The following DOCK8 variants were observed in gnomAD, a reference collection of about 807,000 sequenced individuals.
DOCK8 encodes dedicator of cytokinesis 8, also known as dedicator of cytokinesis protein 8.
Under a neutral mutation model 245.6 loss-of-function variants are expected in DOCK8, and 141 were observed. The observed-to-expected ratio is 0.57, with a 90% CI of 0.50 to 0.66. The LOEUF (loss-of-function observed/expected upper bound fraction) is 0.66, where lower values mean the gene tolerates loss of function less well. Among genes scored for constraint, DOCK8 ranks in the 30% least tolerant of loss-of-function variants. The pLI, the probability that DOCK8 is intolerant of heterozygous loss-of-function variation, is 0.00. For missense variants in DOCK8, 2,965 were observed against 2,603.4 expected (o/e 1.14, Z -3.02); for synonymous variants, 1,168 against 970.2 (o/e 1.20, Z -3.79).
intron 26 of DOCK8, among the ~76,000 whole-genome samples, chr9:400,100 C>CCTCCTT: frequency 8.7e-6 from 1 of 114,616 alleles, no homozygotes; most frequent in African/African-American, 4.4e-5. Context: ...ACCATCACCA[C>CCTCCTT]CACCACCTCC....
chr9:313,874 G>A (rs116755272), intron 6 of DOCK8, among the ~76,000 whole-genome samples: 1,835 of 152,184 alleles, frequency 0.012, 33 homozygotes, highest in African/African-American at 0.042. Flanking sequence ...ATCTTTATAC[G>A]ATGTATACAT....
At chr9:314,782 T>C (rs1355999194) in intron 6 of DOCK8, among the ~76,000 whole-genome samples, 2 of 150,548 alleles carry the variant, frequency 1.3e-5, no homozygotes, top group Non-Finnish European at 2.9e-5. Context: ...TTACAAATGC[T>C]GGTTTTTTCG....
intron 45 of DOCK8, 67 bp from the exon 46 acceptor site, chr9:451,944 T>TAC: frequency 2.1e-5 from 5 of 233,404 alleles, no homozygotes; most frequent in Non-Finnish European, 3.5e-5. Flanking sequence ...TATATATATA[T>TAC]GTGTGTGTGT....
rs547855527 is a variant in DOCK8 at position 361,019 on chromosome 9, G to T, written c.1680-6999G>T. Among the ~76,000 whole-genome samples, 87 of 152,216 alleles carry T rather than the reference G, an allele frequency of 5.7e-4. No homozygotes were observed. The South Asian group carries it at 0.018, about 31-fold the overall frequency. ...TACAAAAAGTAAAACTAAAAAATTA[G>T]CCAGGCATTGTGGTGCCTTGAATCT... On this transcript the variant is annotated intron_variant, in intron 14 of 47. Coordinates refer to ENST00000432829, the MANE Select transcript of DOCK8 (RefSeq NM_203447.4).
intron 30 of DOCK8, among the ~76,000 whole-genome samples, chr9:418,703 A>T (rs1323963157): frequency 6.6e-6 from 1 of 152,238 alleles, no homozygotes; most frequent in Non-Finnish European, 1.5e-5. Flanking sequence ...GGCAACAGCA[A>T]GAGATGTGCA....
At chr9:258,542 C>G (rs1378828239) in intron 1 of DOCK8, among the ~76,000 whole-genome samples, 1 of 150,348 alleles carries the variant, frequency 6.7e-6, no homozygotes, top group Non-Finnish European at 1.5e-5. Context: ...TTCAAAATTC[C>G]AGGAGACTTA....
intron 12 of DOCK8, among the ~76,000 whole-genome samples, chr9:337,043 C>G (rs915779838): frequency 5.9e-5 from 9 of 152,040 alleles, no homozygotes; most frequent in Non-Finnish European, 2.9e-5. Flanking sequence ...GTCTCTCTTC[C>G]TGTTCTTATA....
At chr9:372,932 A>C (rs1378904741) in intron 18 of DOCK8, among the ~76,000 whole-genome samples, 2 of 152,192 alleles carry the variant, frequency 1.3e-5, no homozygotes, top group Non-Finnish European at 2.9e-5. Context: ...TGGGAGGCCG[A>C]GGCAGGCAGA....
chr9:411,397 G>A (rs754345135), intron 28 of DOCK8, among the ~76,000 whole-genome samples: 30 of 148,672 alleles, frequency 2.0e-4, no homozygotes, highest in Non-Finnish European at 3.6e-4. Context: ...TGGGCAACAA[G>A]AGCAAAACTC....
chr9:354,814 G>A (rs563583485), intron 14 of DOCK8, among the ~76,000 whole-genome samples: 5 of 152,212 alleles, frequency 3.3e-5, no homozygotes, highest in Non-Finnish European at 7.3e-5. Flanking sequence ...AAACAAGCAA[G>A]CGGGAGGGTA....
chr9:401,757 A>G (rs1159458569), intron 26 of DOCK8, among the ~76,000 whole-genome samples: 1 of 152,200 alleles, frequency 6.6e-6, no homozygotes, highest in Non-Finnish European at 1.5e-5. Context: ...TCTCCTCCAA[A>G]AAAAGAAAAA....
intron 24 of DOCK8, among the ~76,000 whole-genome samples, chr9:391,443 G>A (rs564833092): frequency 2.6e-5 from 4 of 152,118 alleles, no homozygotes; most frequent in African/African-American, 9.6e-5. Flanking sequence ...ATTAATATCT[G>A]TTGGAAAACA....
At chr9:406,162 C>T (rs2055407012) in intron 27 of DOCK8, among the ~76,000 whole-genome samples, 1 of 152,192 alleles carries the variant, frequency 6.6e-6, no homozygotes, top group Non-Finnish European at 1.5e-5. Flanking sequence ...TAGTTCCAGG[C>T]CAGCAAAAGT....
In DOCK8 at chr9:363,228, A is replaced by G. The variant is rs562942906; in HGVS notation, c.1680-4790A>G. On this transcript the variant is annotated intron_variant, in intron 14 of 47. Transcript: ENST00000432829. Reference sequence around the variant, plus strand: ...TCCACATTTGGGGAAAGATAAGATTATACTAAATGCCTGGCACATACACTG... The same window carrying G: ...TCCACATTTGGGGAAAGATAAGATTGTACTAAATGCCTGGCACATACACTG... Among the ~76,000 whole-genome samples the G allele has an allele frequency of 2.6e-5, 4 of 152,342 alleles. No individual in the cohort carries two copies. In the East Asian group the frequency reaches 5.8e-4, roughly 22 times the overall value.
At chr9:413,454 A>G (rs1233210855) in intron 28 of DOCK8, among the ~76,000 whole-genome samples, 1 of 152,216 alleles carries the variant, frequency 6.6e-6, no homozygotes, top group Admixed American at 6.5e-5. Context: ...GACACCATCA[A>G]AAAAATGAAA....
chr9:364,900 TAGAA>T (rs2052905876), intron 14 of DOCK8, among the ~76,000 whole-genome samples: 1 of 152,092 alleles, frequency 6.6e-6, no homozygotes, highest in African/African-American at 2.4e-5. Flanking sequence ...ACCAATCAAA[TAGAA>T]CAGTAGGAAG....
intron 1 of DOCK8, among the ~76,000 whole-genome samples, chr9:240,041 G>A (rs1304046352): frequency 2.0e-5 from 3 of 152,144 alleles, no homozygotes; most frequent in Non-Finnish European, 2.9e-5. Flanking sequence ...CACGATAAAT[G>A]CTAGAAATAG....
intron 23 of DOCK8, among the ~76,000 whole-genome samples, chr9:387,412 C>T (rs1294702830): frequency 2.7e-5 from 4 of 147,910 alleles, no homozygotes; most frequent in African/African-American, 1.0e-4. Flanking sequence ...CACTGCACTC[C>T]AGCCTGGGCG....
At position 441,861 on chromosome 9, in the gene DOCK8, A is replaced by G; in HGVS notation, c.5356-14A>G. On this transcript the variant is annotated splice_polypyrimidine_tract_variant and intron_variant, in intron 41 of 47. Transcript: ENST00000432829. ...GACATAACTAAGGAGAGCTTTTTAT[A>G]TTTTGTTCCTCAGGATCATAAGAGA... 6.2e-7 allele frequency: 1 copy of G among 1,614,096 alleles called. No individual in the cohort carries two copies. The highest frequency in any genetic ancestry group is 8.5e-7 in the Non-Finnish European group (1 of 1,180,002).
Sources: gnomAD v4.1 joint callset for allele counts (sites outside exome capture counted in the v4.1 genomes callset) on GRCh38, gnomAD v4.1.1 for gene constraint, MANE v1.5 for transcripts, NCBI Gene and HGNC (gene_info 2026-07-23, HGNC 2026-07-21) for gene names.